The following SPNS1 variants were observed in gnomAD, a reference collection of about 807,000 sequenced individuals.
SPNS1 encodes the protein protein spinster homolog 1.
In SPNS1, 22 loss-of-function variants were observed where a neutral mutation model predicts 50.3. That is an observed-to-expected ratio of 0.44 (90% confidence interval 0.31 to 0.62). The LOEUF is 0.62. Among genes scored for constraint, SPNS1 ranks in the 20% least tolerant of loss-of-function variants. The pLI is 0.07. For missense variants in SPNS1, 576 were observed against 728.6 expected (o/e 0.79, Z 2.41); for synonymous variants, 295 against 317.4 (o/e 0.93, Z 0.75).
chr16:28,975,060 GT>G lies in SPNS1; in HGVS notation c.-90del. 1 of 1,436,082 alleles carries G rather than the reference GT, an allele frequency of 7.0e-7. No individual in the cohort carries two copies. Among genetic ancestry groups the G allele is most frequent in the Non-Finnish European group, 9.1e-7 (1 of 1,098,580 alleles). The allele number at this position is 1,436,082 out of a possible 1,614,324, so 89.0% of individuals were successfully genotyped here. The stretch of plus-strand genomic sequence containing the variant: ...CTCCGGGCGCACTTCCCTCGCCTGT[GT>G]TCGGTCCATCCTCCTTTCTCCAGCC... On this transcript the variant is annotated 5_prime_UTR_variant, in exon 1 of 12. Transcript: ENST00000311008.
rs867758643 is a variant in SPNS1, at chr16:28,981,104, G to A, written c.664-366G>A. 1.3e-4 allele frequency among the ~76,000 whole-genome samples: 20 copies of A among 152,198 alleles called. No homozygotes were observed. The highest frequency in any genetic ancestry group is 4.8e-4 in the African/African-American group (20 of 41,452). ...ACCCTGGGGCCGTGTTTCCAGGATA[G>A]CGTCTGACTAGATGAACATGCATCA... On this transcript the variant is annotated intron_variant, in intron 5 of 11. Transcript: ENST00000311008. This position sits in a 1 kb window ranked among gnomAD's most constrained non-coding sequence, Gnocchi z 4.2.
At chr16:28,982,622 G>A (rs935355042) in intron 8 of SPNS1, 77 bp downstream of exon 8, 2 of 1,473,408 alleles carry the variant, frequency 1.4e-6, no homozygotes, top group African/African-American at 2.8e-5. Flanking sequence ...GCCACTCGAG[G>A]TGGAATGCCT....
rs758139932 is a variant in SPNS1 at position 28,975,314 on chromosome 16, C to G, written c.163C>G (p.Pro55Ala). Residue 55 changes from proline (P) to alanine (A), a missense_variant, in exon 1 of 12, where the codon CCC (proline) becomes GCC (alanine). Pro to Ala is a conservative substitution (Grantham distance 27). This residue lies in a region of SPNS1 where 144 missense variants were observed against 181.2 expected (regional missense o/e 0.79). Coordinates refer to ENST00000311008, the MANE Select transcript of SPNS1 (RefSeq NM_032038.3). ...EGLQRITGLS[P>A]GRSALIVAVL... Reference sequence around the variant, plus strand: ...GCTGCAGCGCATCACCGGCCTGTCTCCCGGCCGTTCGGCTCTCATAGTGGC... The same window carrying G: ...GCTGCAGCGCATCACCGGCCTGTCTGCCGGCCGTTCGGCTCTCATAGTGGC... 18 of 1,584,560 alleles carry G rather than the reference C, an allele frequency of 1.1e-5. No homozygotes were observed. Among genetic ancestry groups the G allele is most frequent in the Non-Finnish European group, 3.4e-6 (4 of 1,162,228 alleles).
At position 28,982,854 on chromosome 16, in the gene SPNS1, C is replaced by T; in HGVS notation, c.1156-3C>T. The T allele has an allele frequency of 6.2e-7, 1 of 1,613,934 alleles. No individual in the cohort carries two copies. The highest frequency in any genetic ancestry group is 8.5e-7 in the Non-Finnish European group (1 of 1,180,000). ...ATGAACCCCCGACCCTCTCTTCCCC[C>T]AGATTTTCATCTTCATTGGAGAGAC... On this transcript the variant is annotated splice_polypyrimidine_tract_variant and splice_region_variant and intron_variant, in intron 8 of 11. Transcript: ENST00000311008.
rs116848701 is a variant in SPNS1 at position 28,984,097 on chromosome 16, G to T, written c.1493-108G>T. ...CTCCAGTCTGTCTGCATCCACCCCTGGGGTGGCTCTGTGGCTGCCCCATCC... is the reference window on the plus strand; with the variant it reads ...CTCCAGTCTGTCTGCATCCACCCCTTGGGTGGCTCTGTGGCTGCCCCATCC... On this transcript the variant is annotated intron_variant, in intron 11 of 11. Coordinates refer to ENST00000311008, the MANE Select transcript of SPNS1 (RefSeq NM_032038.3). The T allele has an allele frequency of 3.7e-3, 5,287 of 1,441,438 alleles. 19 individuals are homozygous for T. The highest frequency in any genetic ancestry group is 4.2e-3 in the Non-Finnish European group (4,487 of 1,069,200). 89.3% of individuals were successfully genotyped at this position (1,441,438 alleles called of 1,614,324 possible). A position where few individuals can be genotyped will look rare whatever the true frequency, so the allele number is the denominator to read the frequency against.
Position 28,977,987 on chromosome 16 carries a change from C to T in SPNS1, c.387C>T (p.Cys129=), listed in dbSNP as rs778204826. 11 of 1,613,736 alleles carry T rather than the reference C, an allele frequency of 6.8e-6. No homozygotes were observed. The Admixed American group carries it at 1.2e-4, about 17-fold the overall frequency. ...GDRYNRKYLM[C]GGIAFWSLVT... ...GGTACAATCGGAAGTATCTCATGTG[C>T]GGGGGCATTGCCTTCTGGTCCCTGG... is the stretch of plus-strand genomic sequence containing the variant. The change falls in exon 3 of 12, where the codon TGC becomes TGT. Residue 129 remains cysteine (C), a synonymous_variant. Transcript: ENST00000311008.
At position 28,983,354 on chromosome 16, in the gene SPNS1, G is replaced by T. The variant is rs1049199208; in HGVS notation, c.1320+64G>T. 1.5e-6 allele frequency: 2 copies of T among 1,330,380 alleles called. No individual in the cohort carries two copies. Among genetic ancestry groups the T allele is most frequent in the Non-Finnish European group, 2.2e-6 (2 of 922,648 alleles). The allele number at this position is 1,330,380 out of a possible 1,614,324, so 82.4% of individuals were successfully genotyped here. A position where few individuals can be genotyped will look rare whatever the true frequency, so the allele number is the denominator to read the frequency against. On this transcript the variant is annotated intron_variant, in intron 10 of 11. Transcript: ENST00000311008. This position sits in a 1 kb window ranked among gnomAD's most constrained non-coding sequence, Gnocchi z 5.4. ...TCCTGAGCCTGGGCTGGATCAGAAG[G>T]CCTGGCCCTAGTGAAGTGTCTGTGT...
intron 3 of SPNS1, 150 bp from the exon 4 acceptor site, chr16:28,979,005 G>T: frequency 1.1e-6 from 1 of 926,682 alleles, no homozygotes; most frequent in South Asian, 1.7e-5. Flanking sequence ...GCTAGTAAGT[G>T]GTGGAGCCAG....
chr16:28,976,794 T>C (rs1158610714), intron 2 of SPNS1, among the ~76,000 whole-genome samples: 1 of 152,214 alleles, frequency 6.6e-6, no homozygotes, highest in Non-Finnish European at 1.5e-5. Flanking sequence ...AGTTGTTGAG[T>C]TAGAGCAGCA....
Position 28,975,183 on chromosome 16 carries a change from G to C in SPNS1, c.32G>C (p.Ser11Thr). The change falls in exon 1 of 12, where the codon AGC (serine) becomes ACC (threonine). Residue 11 changes from serine (S) to threonine (T), a missense_variant. Coordinates refer to ENST00000311008, the MANE Select transcript of SPNS1 (RefSeq NM_032038.3). The part of the protein sequence containing the change: MAGSDTAPFL[S>T]QADDPDDGPV... The stretch of plus-strand genomic sequence containing the variant: ...GGGTCCGACACCGCGCCCTTCCTCA[G>C]CCAGGCGGATGACCCGGACGACGGG... 1 of 1,495,082 alleles carries C rather than the reference G, an allele frequency of 6.7e-7. No individual in the cohort carries two copies. Among genetic ancestry groups the C allele is most frequent in the Non-Finnish European group, 8.9e-7 (1 of 1,122,026 alleles). 92.6% of individuals were successfully genotyped at this position (1,495,082 alleles called of 1,614,324 possible).
chr16:28,982,758 G>C (rs1320061329), intron 8 of SPNS1, 99 bp from the exon 9 acceptor site: 1 of 1,400,840 alleles, frequency 7.1e-7, no homozygotes, highest in Non-Finnish European at 1.0e-6. Flanking sequence ...ACTGGGGTGT[G>C]ATGAGGATTA....
At chr16:28,984,003 T>C (rs1304546972) in intron 11 of SPNS1, 46 bp downstream of exon 11, 1 of 1,521,554 alleles carries the variant, frequency 6.6e-7, no homozygotes, top group African/African-American at 1.4e-5. Flanking sequence ...TCTGCCTGTC[T>C]GTCTGTCCAT....
rs1444837730 is a variant in SPNS1 at position 28,979,260 on chromosome 16, C to T, written c.550C>T (p.Arg184Trp). The T allele has an allele frequency of 5.0e-6, 8 of 1,614,080 alleles. No individual in the cohort carries two copies. Among genetic ancestry groups the T allele is most frequent in the East Asian group, 4.5e-5 (2 of 44,890 alleles). Residue 184 changes from arginine to tryptophan, a missense_variant, in exon 4 of 12, where the codon CGG becomes TGG. Physicochemically the swap from Arg to Trp is moderately radical, Grantham distance 101. Around this residue, in one of 3 missense-constraint regions of SPNS1, gnomAD observed 428 missense variants for 520.1 expected, o/e 0.82. Transcript: ENST00000311008. ...LIADLFVADQRSRMLSIFYFA... is the reference protein window; with the variant it reads ...LIADLFVADQWSRMLSIFYFA... ...TGCCGACCTCTTTGTGGCCGACCAG[C>T]GGAGCCGGATGCTCAGCATCTTCTA...
chr16:28,984,680 G>C, downstream of SPNS1: 1 of 654,146 alleles, frequency 1.5e-6, no homozygotes, highest in South Asian at 1.8e-5. Flanking sequence ...GGGCGACTGA[G>C]ATGGGGGACT....
Position 28,983,706 on chromosome 16 carries a change from C to T in SPNS1, c.1321-80C>T, listed in dbSNP as rs1462177822. ...TTTCCTGGGCTCCACTTGTCTTTCT[C>T]CCTGGAGCTCAGGGGCGTGCCCTCC... is the stretch of plus-strand genomic sequence containing the variant. On this transcript the variant is annotated intron_variant, in intron 10 of 11. Transcript: ENST00000311008. This position sits in a 1 kb window ranked among gnomAD's most constrained non-coding sequence, Gnocchi z 5.4. 4.1e-6 allele frequency: 6 copies of T among 1,453,838 alleles called. No homozygotes were observed. Among genetic ancestry groups the T allele is most frequent in the Middle Eastern group, 4.7e-4 (2 of 4,292 alleles). 90.1% of individuals were successfully genotyped at this position (1,453,838 alleles called of 1,614,324 possible).
intron 5 of SPNS1, among the ~76,000 whole-genome samples, chr16:28,980,928 C>A (rs995471232): frequency 1.3e-5 from 2 of 152,194 alleles, no homozygotes; most frequent in East Asian, 3.9e-4. Context: ...TCCTGAAAGT[C>A]CCAGGTGAGC....
rs1433199665 is a variant in SPNS1 at position 28,982,529 on chromosome 16, G to A, written c.1139G>A (p.Ser380Asn). 3.1e-6 allele frequency: 5 copies of A among 1,609,522 alleles called. No individual in the cohort carries two copies. Among genetic ancestry groups the A allele is most frequent in the Admixed American group, 1.7e-5 (1 of 59,584 alleles). ...CTGTCCCTTGCCTGCGCCCGTGGTAGCATCGTGGCCACTTATGTGAGTAGC... is the reference window on the plus strand; with the variant it reads ...CTGTCCCTTGCCTGCGCCCGTGGTAACATCGTGGCCACTTATGTGAGTAGC... ...LFLSLACARG[S>N]IVATYIFIFI... The change falls in exon 8 of 12, where the codon AGC becomes AAC. Residue 380 changes from serine (S) to asparagine (N), a missense_variant. Ser to Asn is a conservative substitution (Grantham distance 46). Coordinates refer to ENST00000311008, the MANE Select transcript of SPNS1 (RefSeq NM_032038.3).
chr16:28,979,115 G>A, intron 3 of SPNS1, 40 bp from the exon 4 acceptor site: 2 of 1,596,420 alleles, frequency 1.3e-6, no homozygotes, highest in South Asian at 2.2e-5. Context: ...GAGGCTGGTT[G>A]CAGGCTGGGG....
intron 5 of SPNS1, 43 bp downstream of exon 5, chr16:28,979,514 A>G: frequency 6.3e-7 from 1 of 1,598,996 alleles, no homozygotes; most frequent in Non-Finnish European, 8.6e-7. Context: ...CGACGTTCTC[A>G]CTGATCCCTG....
Sources: gnomAD v4.1 joint callset for allele counts (sites outside exome capture counted in the v4.1 genomes callset) on GRCh38, gnomAD v4.1.1 for gene constraint, gnomAD v4.1.1 regional missense constraint, Gnocchi (gnomAD v3.1) non-coding constraint, MANE v1.5 for transcripts, NCBI Gene and HGNC (gene_info 2026-07-23, HGNC 2026-07-21) for gene names.